DCLK1: variants seen among roughly 807,000 people sequenced by gnomAD.
DCLK1 encodes doublecortin like kinase 1.
A neutral mutation model predicts 86.2 loss-of-function variants in DCLK1; 16 were observed. The observed-to-expected ratio is 0.19, with a 90% CI of 0.13 to 0.28. The LOEUF (loss-of-function observed/expected upper bound fraction) is 0.28, where lower values mean the gene tolerates loss of function less well. Ranked by LOEUF, DCLK1 falls within the 10% of genes least tolerant of loss-of-function variation. The pLI is 1.00. For missense variants in DCLK1, 590 were observed against 940.2 expected (o/e 0.63, Z 4.87); for synonymous variants, 369 against 370.5 (o/e 1.00, Z 0.05).
chr13:35,809,130 C>A, intron 12 of DCLK1, 35 bp from the exon 13 acceptor site: 1 of 1,552,138 alleles, frequency 6.4e-7, no homozygotes, highest in Admixed American at 1.7e-5. Flanking sequence ...TTAGGAGGGT[C>A]AGGCTCGGAC....
At chr13:35,893,178 C>G (rs1418987) in intron 4 of DCLK1, among the ~76,000 whole-genome samples, 93,212 of 152,076 alleles carry the variant, frequency 0.61, 31,185 homozygotes, top group East Asian at 0.89. Flanking sequence ...AGGTTCTGAA[C>G]TACTGGGTTC....
intron 3 of DCLK1, among the ~76,000 whole-genome samples, chr13:36,105,270 G>A (rs1285202747): frequency 2.2e-5 from 3 of 136,276 alleles, no homozygotes; most frequent in Admixed American, 7.7e-5. Context: ...ATTATAAAAG[G>A]ATAATTTAAA....
intron 3 of DCLK1, among the ~76,000 whole-genome samples, chr13:35,986,239 T>C (rs1593794029): frequency 7.8e-6 from 1 of 128,760 alleles, no homozygotes; most frequent in Non-Finnish European, 1.5e-5. Context: ...GAGTCGGAGG[T>C]TGCAGTAAGC....
At chr13:35,813,697 G>A (rs2087201599) in intron 11 of DCLK1, among the ~76,000 whole-genome samples, 1 of 145,028 alleles carries the variant, frequency 6.9e-6, no homozygotes, top group African/African-American at 2.6e-5. Flanking sequence ...CTGTACAATG[G>A]TCTTTTAATC....
intron 3 of DCLK1, among the ~76,000 whole-genome samples, chr13:36,019,185 C>T (rs1241228897): frequency 6.6e-6 from 1 of 152,100 alleles, no homozygotes; most frequent in African/African-American, 2.4e-5. Context: ...TTAAGCTGTT[C>T]CTTAACCTTC....
chr13:35,918,761 C>T (rs1464608455), intron 4 of DCLK1, among the ~76,000 whole-genome samples: 1 of 151,956 alleles, frequency 6.6e-6, no homozygotes, highest in African/African-American at 2.4e-5. Flanking sequence ...CAGATAGTTG[C>T]ACAGCTCAAA....
At position 36,090,749 on chromosome 13, in the gene DCLK1, G is replaced by C. The variant is rs1453971497; in HGVS notation, c.723+21120C>G. ...AGCCACTGAATGACTCACTGGATAC[G>C]GGGGCGAATGCTCTCGTGAGGTCAG... On this transcript the variant is annotated intron_variant, in intron 3 of 16. Coordinates refer to ENST00000360631, the MANE Select transcript of DCLK1 (RefSeq NM_001330071.2). 5.9e-5 allele frequency among the ~76,000 whole-genome samples: 9 copies of C among 151,992 alleles called. No individual in the cohort carries two copies. The East Asian group carries it at 9.7e-4, about 16-fold the overall frequency.
At chr13:35,903,422 CCT>C (rs1051009952) in intron 4 of DCLK1, among the ~76,000 whole-genome samples, 2 of 151,616 alleles carry the variant, frequency 1.3e-5, no homozygotes, top group Non-Finnish European at 2.9e-5. Flanking sequence ...TAATATGCTT[CCT>C]CTCTCTCTCT....
At chr13:36,036,968 A>G (rs1409433724) in intron 3 of DCLK1, among the ~76,000 whole-genome samples, 3 of 152,200 alleles carry the variant, frequency 2.0e-5, no homozygotes, top group African/African-American at 7.2e-5. Flanking sequence ...TAGCCAAGAC[A>G]TGGAATCAAT....
intron 2 of DCLK1, among the ~76,000 whole-genome samples, chr13:36,125,550 C>T (rs1444954018): frequency 1.3e-5 from 2 of 152,178 alleles, no homozygotes; most frequent in Admixed American, 6.5e-5. Context: ...GACTTTTTCC[C>T]TTAGCACATT....
intron 3 of DCLK1, among the ~76,000 whole-genome samples, chr13:35,959,871 G>A (rs981492766): frequency 1.8e-4 from 28 of 151,772 alleles, no homozygotes; most frequent in African/African-American, 5.6e-4. Context: ...GTGTGTGTGT[G>A]TGTGTGTGTG....
chr13:36,089,515 G>A (rs753929776), intron 3 of DCLK1, among the ~76,000 whole-genome samples: 21 of 152,054 alleles, frequency 1.4e-4, no homozygotes, highest in Non-Finnish European at 2.5e-4. Flanking sequence ...GACCACCCTC[G>A]AACAGGAACT....
At position 36,101,655 on chromosome 13, in the gene DCLK1, G is replaced by A. The variant is rs138947394; in HGVS notation, c.723+10214C>T. On this transcript the variant is annotated intron_variant, in intron 3 of 16. Transcript: ENST00000360631. ...GACTCAGTAGGTCTGTGTGGAGCCT[G>A]AGGGTCCGCATCTCTGCCTGCTCCC... is the stretch of plus-strand genomic sequence containing the variant. Among the ~76,000 whole-genome samples the A allele has an allele frequency of 2.7e-5, 4 of 147,390 alleles. No individual in the cohort carries two copies. The East Asian group carries it at 7.8e-4, about 29-fold the overall frequency.
intron 11 of DCLK1, among the ~76,000 whole-genome samples, chr13:35,818,748 G>A (rs543677576): frequency 9.9e-5 from 15 of 152,072 alleles, no homozygotes; most frequent in Non-Finnish European, 1.5e-4. Context: ...AAGGGTACAA[G>A]CTTGCCATCT....
intron 4 of DCLK1, among the ~76,000 whole-genome samples, chr13:35,875,429 C>T (rs1356250174): frequency 1.3e-5 from 2 of 152,156 alleles, no homozygotes; most frequent in East Asian, 3.9e-4. Flanking sequence ...GCACAGGTGC[C>T]AGAGTTGCTA....
intron 3 of DCLK1, among the ~76,000 whole-genome samples, chr13:36,019,360 T>G (rs1881672843): frequency 1.3e-5 from 2 of 152,200 alleles, no homozygotes; most frequent in African/African-American, 4.8e-5. Flanking sequence ...CTACTGAACC[T>G]TTCTCCTTCT....
intron 3 of DCLK1, among the ~76,000 whole-genome samples, chr13:36,020,117 T>C (rs1015826571): frequency 2.6e-5 from 4 of 152,182 alleles, no homozygotes; most frequent in African/African-American, 7.2e-5. Context: ...TTGCCACGAT[T>C]GGACACAGTG....
At chr13:35,955,194 T>C (rs185016009) in intron 3 of DCLK1, among the ~76,000 whole-genome samples, 3 of 152,018 alleles carry the variant, frequency 2.0e-5, no homozygotes, top group Admixed American at 1.3e-4. Flanking sequence ...TTATTATCTA[T>C]CCTGTTTTTT....
At chr13:35,817,035 C>T (rs1371602651) in intron 11 of DCLK1, among the ~76,000 whole-genome samples, 3 of 152,190 alleles carry the variant, frequency 2.0e-5, no homozygotes, top group African/African-American at 7.2e-5. Flanking sequence ...ATCCTCTTAA[C>T]TTTGCCATCA....
Sources: allele counts gnomAD v4.1 joint callset (sites outside exome capture counted in the v4.1 genomes callset), GRCh38; gene constraint gnomAD v4.1.1; transcripts MANE v1.5; gene names NCBI Gene and HGNC (gene_info 2026-07-23, HGNC 2026-07-21).